BDH1: variants seen among roughly 807,000 people sequenced by gnomAD.
BDH1 encodes the protein D-beta-hydroxybutyrate dehydrogenase, mitochondrial.
A neutral mutation model predicts 33.1 loss-of-function variants in BDH1; 30 were observed. That is an observed-to-expected ratio of 0.91 (90% CI 0.68 to 1.23). BDH1 has a LOEUF of 1.23. BDH1 is among the 50% of genes most tolerant of loss of function. BDH1 has a pLI of 0.00. For synonymous variants in BDH1, 190 were observed against 183.6 expected (o/e 1.03, Z -0.28); for missense variants, 443 against 464.4 (o/e 0.95, Z 0.42).
Position 197,526,724 on chromosome 3 carries a change from A to T in BDH1, c.268-3943T>A, listed in dbSNP as rs945269394. Among the ~76,000 whole-genome samples the T allele has an allele frequency of 6.6e-6, 1 of 152,142 alleles. No homozygotes were observed. The highest frequency in any genetic ancestry group is 1.5e-5 in the Non-Finnish European group (1 of 68,016). On this transcript the variant is annotated intron_variant, in intron 5 of 7. Transcript: ENST00000392379. The surrounding 1 kb of genome is among the most constrained non-coding windows in gnomAD (Gnocchi z 4.7). ...AACTGTTTCCTGCCCAGGTAGAAGG[A>T]TAGCCCTCTCCCGACCAGCTCTCCG... is the stretch of plus-strand genomic sequence containing the variant.
At chr3:197,563,176 G>A (rs1198784568) in intron 1 of BDH1, among the ~76,000 whole-genome samples, 1 of 152,186 alleles carries the variant, frequency 6.6e-6, no homozygotes, top group African/African-American at 2.4e-5. Context: ...CTTTATGATA[G>A]ATGTCTATAA....
At position 197,563,044 on chromosome 3, in the gene BDH1, G is replaced by A. The variant is rs1035733953; in HGVS notation, c.-44+10137C>T. Reference sequence around the variant, plus strand: ...ACTGTTTGGGTCTAATAGTTTTTTGGGTTTTTCTTGCAAGCTGGCAAATTT... The same window carrying A: ...ACTGTTTGGGTCTAATAGTTTTTTGAGTTTTTCTTGCAAGCTGGCAAATTT... On this transcript the variant is annotated intron_variant, in intron 1 of 6. Transcript: ENST00000358186. 4.1e-4 allele frequency among the ~76,000 whole-genome samples: 62 copies of A among 152,080 alleles called. 1 individual carries two copies. Among genetic ancestry groups the A allele is most frequent in the African/African-American group, 1.3e-3 (54 of 41,472 alleles).
intron 3 of BDH1, among the ~76,000 whole-genome samples, chr3:197,539,732 T>A (rs1375457287): frequency 6.7e-6 from 1 of 148,364 alleles, no homozygotes; most frequent in Non-Finnish European, 1.5e-5. Flanking sequence ...AGGAACTGAC[T>A]CAGCGCAAGA....
intron 3 of BDH1, 183 bp downstream of exon 3, chr3:197,546,178 C>T (rs576481048): frequency 1.4e-4 from 79 of 576,932 alleles, no homozygotes; most frequent in Middle Eastern, 9.5e-4. Context: ...TTCCTTTCTG[C>T]CCTGTGTGCC....
intron 7 of BDH1, among the ~76,000 whole-genome samples, chr3:197,513,863 CA>C (rs1490458843): frequency 6.6e-6 from 1 of 152,208 alleles, no homozygotes; most frequent in Non-Finnish European, 1.5e-5. Context: ...CCTAATACCA[CA>C]ATGATCTCAT....
At chr3:197,542,733 G>GT (rs1359967607) in intron 3 of BDH1, among the ~76,000 whole-genome samples, 4 of 151,790 alleles carry the variant, frequency 2.6e-5, no homozygotes, top group Non-Finnish European at 5.9e-5. Context: ...TGTTGGACAG[G>GT]TTGGTCTCAA....
At position 197,528,303 on chromosome 3, in the gene BDH1, AGTGT is replaced by A. The variant is rs4024114; in HGVS notation, c.267+4105_267+4108del. On this transcript the variant is annotated intron_variant, in intron 5 of 7. Coordinates refer to ENST00000392379, the MANE Select transcript of BDH1 (RefSeq NM_203314.3). This position sits in a 1 kb window ranked among gnomAD's most constrained non-coding sequence, Gnocchi z 5.1. ...GTAGGTCTGTATGAGTGAGTGAGTG[AGTGT>A]GTGTGTGTGTGTGTGTGTGTGTGTG... 0.029 allele frequency: 3,778 copies of A among 132,466 alleles called. 78 individuals are homozygous for A. The highest frequency in any genetic ancestry group is 0.049 in the African/African-American group (1,913 of 39,206). The allele number at this position is 132,466 out of a possible 1,614,324, so 8.2% of individuals were successfully genotyped here.
intron 1 of BDH1, among the ~76,000 whole-genome samples, chr3:197,570,644 G>A (rs1327953524): frequency 1.3e-5 from 2 of 152,246 alleles, no homozygotes; most frequent in Non-Finnish European, 2.9e-5. Context: ...CAGCTTCCAT[G>A]TGGTGTTGAG....
chr3:197,564,928 T>G (rs923075467), intron 1 of BDH1, among the ~76,000 whole-genome samples: 5 of 152,206 alleles, frequency 3.3e-5, no homozygotes, highest in African/African-American at 1.2e-4. Context: ...TTTTTTGTTT[T>G]GTTTTGTTTT....
chr3:197,513,835 T>G (rs1190896078), intron 7 of BDH1, among the ~76,000 whole-genome samples: 4 of 152,262 alleles, frequency 2.6e-5, no homozygotes, highest in Non-Finnish European at 1.5e-5. Context: ...TTTCTAATCT[T>G]GATTTTTACT....
At chr3:197,524,393 G>A (rs1017620509) in intron 5 of BDH1, among the ~76,000 whole-genome samples, 2 of 152,218 alleles carry the variant, frequency 1.3e-5, no homozygotes, top group Admixed American at 6.5e-5. Flanking sequence ...AAAGTCCTCC[G>A]CTGGTTAGGC....
intron 1 of BDH1, among the ~76,000 whole-genome samples, chr3:197,571,955 G>A (rs1172767815): frequency 6.6e-6 from 1 of 152,166 alleles, no homozygotes; most frequent in East Asian, 1.9e-4. Context: ...CATAATGGCT[G>A]AACAGGTAGG....
At chr3:197,557,515 C>T (rs1322245182), upstream of BDH1, among the ~76,000 whole-genome samples, 9 of 152,298 alleles carry the variant, frequency 5.9e-5, no homozygotes, top group Admixed American at 5.9e-4. This position sits in a 1 kb window ranked among gnomAD's most constrained non-coding sequence, Gnocchi z 4.6. Context: ...GAGGCTGAGG[C>T]GGGTGGATCA....
rs1188043696 is a variant in BDH1, at chr3:197,514,347, G to T, written c.479C>A (p.Thr160Asn). ...FGEVEFTSLE[T>N]YKQVAEVNLW... ...GTTCACTTCTGCCACCTGCTTGTAG[G>T]TCTCCAGGCTGGTGAACTCCACCTC... Residue 160 changes from threonine to asparagine, a missense_variant, in exon 7 of 8, where the codon ACC (threonine) becomes AAC (asparagine). Transcript: ENST00000392379. This position sits in a 1 kb window ranked among gnomAD's most constrained non-coding sequence, Gnocchi z 4.2. 6.2e-7 allele frequency: 1 copy of T among 1,613,800 alleles called. No individual in the cohort carries two copies.
intron 1 of BDH1, among the ~76,000 whole-genome samples, chr3:197,572,594 A>G (rs978312907): frequency 3.9e-5 from 6 of 152,146 alleles, no homozygotes; most frequent in African/African-American, 9.7e-5. Flanking sequence ...GTCTGGGAAC[A>G]AGGTGAGGTG....
At chr3:197,515,435 C>A in intron 6 of BDH1, 1 of 985,772 alleles carries the variant, frequency 1.0e-6, no homozygotes, top group South Asian at 4.7e-5. Flanking sequence ...CCTGCAGACG[C>A]GCCCTGAGTC....
chr3:197,512,911 G>C (rs1193063751), intron 7 of BDH1, among the ~76,000 whole-genome samples: 2 of 152,214 alleles, frequency 1.3e-5, no homozygotes, highest in African/African-American at 4.8e-5. Context: ...AGACGAGGAA[G>C]TACCTGGGGC....
intron 1 of BDH1, among the ~76,000 whole-genome samples, chr3:197,555,016 A>G (rs1580003874): frequency 6.6e-6 from 1 of 152,202 alleles, no homozygotes; most frequent in Non-Finnish European, 1.5e-5. Flanking sequence ...CCATTGGTTG[A>G]GACAGCACCG....
chr3:197,548,516 T>C (rs533265102), intron 2 of BDH1, among the ~76,000 whole-genome samples: 3 of 152,338 alleles, frequency 2.0e-5, no homozygotes, highest in African/African-American at 7.2e-5. Context: ...GTCAGCCATA[T>C]CTAAAAGTAC....
Sources: gnomAD v4.1 joint callset for allele counts (sites outside exome capture counted in the v4.1 genomes callset) on GRCh38, gnomAD v4.1.1 for gene constraint, Gnocchi (gnomAD v3.1) non-coding constraint, MANE v1.5 for transcripts, NCBI Gene and HGNC (gene_info 2026-07-23, HGNC 2026-07-21) for gene names.